XPR1: variants seen among roughly 807,000 people sequenced by gnomAD.
XPR1 encodes the protein solute carrier family 53 member 1.
Under a neutral mutation model 87.5 loss-of-function variants are expected in XPR1, and 28 were observed. The ratio of observed to expected loss-of-function variants is 0.32; its 90% CI spans 0.24 to 0.44. XPR1 has a LOEUF of 0.44. XPR1 is among the 20% of genes least tolerant of loss of function. XPR1 has a pLI of 1.00. For synonymous variants in XPR1, 300 were observed against 306.1 expected (o/e 0.98, Z 0.21); for missense variants, 559 against 862.3 (o/e 0.65, Z 4.41).
intron 2 of XPR1, among the ~76,000 whole-genome samples, chr1:180,766,215 T>C (rs1648280741): frequency 6.6e-6 from 1 of 152,186 alleles, no homozygotes; most frequent in Admixed American, 6.5e-5. Context: ...AATGAGGCAA[T>C]AATGTGCACA....
chr1:180,689,121 A>G (rs1479837007), intron 2 of XPR1, among the ~76,000 whole-genome samples: 2 of 152,170 alleles, frequency 1.3e-5, no homozygotes, highest in Admixed American at 6.5e-5. Context: ...AGAAATTGAC[A>G]TTTCTAATGG....
intron 3 of XPR1, among the ~76,000 whole-genome samples, chr1:180,788,678 G>C (rs547936130): frequency 2.2e-3 from 335 of 151,988 alleles, no homozygotes; most frequent in African/African-American, 7.9e-3. Context: ...AAAGTAGTCT[G>C]TAATTTTATT....
intron 2 of XPR1, among the ~76,000 whole-genome samples, chr1:180,696,175 T>C (rs1161539390): frequency 4.6e-4 from 42 of 91,730 alleles, no homozygotes; most frequent in Non-Finnish European, 6.3e-4. Context: ...GGTGTGTGTG[T>C]GTGTGTGTGT....
intron 2 of XPR1, among the ~76,000 whole-genome samples, chr1:180,696,380 T>C (rs1289819467): frequency 6.6e-6 from 1 of 151,718 alleles, no homozygotes; most frequent in Non-Finnish European, 1.5e-5. Flanking sequence ...AATTGTTAGG[T>C]TTTTCTATAT....
chr1:180,674,375 C>G (rs1245380830), intron 1 of XPR1, among the ~76,000 whole-genome samples: 1 of 152,208 alleles, frequency 6.6e-6, no homozygotes, highest in African/African-American at 2.4e-5. Flanking sequence ...TCTCCTGCCT[C>G]AGCCTCCTGA....
At chr1:180,659,561 A>C in intron 1 of XPR1, among the ~76,000 whole-genome samples, 4 of 117,804 alleles carry the variant, frequency 3.4e-5, no homozygotes, top group African/African-American at 1.1e-4. Context: ...CTCCACCACC[A>C]CCACCCACCA....
chr1:180,658,006 C>G (rs1438858697), intron 1 of XPR1, among the ~76,000 whole-genome samples: 1 of 152,060 alleles, frequency 6.6e-6, no homozygotes, highest in Non-Finnish European at 1.5e-5. Context: ...AGATCTATCA[C>G]TTCTTTGGTT....
At position 180,886,239 on chromosome 1, in the gene XPR1, A is replaced by G. The variant is rs1460172052; in HGVS notation, c.*2173A>G. ...TGTACTTTAAAACTATGGGGGAAAT[A>G]TCACTGGTCTGTCAAGAAACAGCAG... On this transcript the variant is annotated 3_prime_UTR_variant, in exon 15 of 15. Transcript: ENST00000367590. The G allele has an allele frequency of 6.6e-6, 1 of 152,236 alleles. No homozygotes were observed. Among genetic ancestry groups the G allele is most frequent in the African/African-American group, 2.4e-5 (1 of 41,462 alleles). 9.4% of individuals were successfully genotyped at this position (152,236 alleles called of 1,614,324 possible).
chr1:180,808,409 AT>A (rs1333533836), intron 6 of XPR1, among the ~76,000 whole-genome samples: 1 of 152,148 alleles, frequency 6.6e-6, no homozygotes, highest in African/African-American at 2.4e-5. Flanking sequence ...GAAAGTCCTA[AT>A]GACTTTGGGT....
chr1:180,881,721 A>G (rs1269504357), intron 14 of XPR1, among the ~76,000 whole-genome samples: 1 of 152,212 alleles, frequency 6.6e-6, no homozygotes, highest in Non-Finnish European at 1.5e-5. Flanking sequence ...CTCATTGGAT[A>G]TAGAGGAGTA....
chr1:180,874,318 A>G lies in XPR1; in HGVS notation c.1808+376A>G, dbSNP rs142350957. Reference sequence around the variant, plus strand: ...GTAAAATGGCTTAAAACAGAAATCAATCATTTTTTGCAATTTGGCAGTCTG... The same window carrying G: ...GTAAAATGGCTTAAAACAGAAATCAGTCATTTTTTGCAATTTGGCAGTCTG... On this transcript the variant is annotated intron_variant, in intron 13 of 14. Coordinates refer to ENST00000367590, the MANE Select transcript of XPR1 (RefSeq NM_004736.4). 8.2e-4 allele frequency among the ~76,000 whole-genome samples: 125 copies of G among 152,334 alleles called. 1 individual carries two copies. Among genetic ancestry groups the G allele is most frequent in the Admixed American group, 1.3e-3 (20 of 15,310 alleles).
intron 4 of XPR1, 85 bp from the exon 5 acceptor site, chr1:180,805,977 C>G: frequency 7.0e-7 from 1 of 1,420,194 alleles, no homozygotes; most frequent in Non-Finnish European, 9.5e-7. Flanking sequence ...GTCCAGCCAG[C>G]TCTGTCAGTG....
intron 2 of XPR1, among the ~76,000 whole-genome samples, chr1:180,769,906 G>C (rs1648445239): frequency 6.6e-6 from 1 of 152,086 alleles, no homozygotes; most frequent in Non-Finnish European, 1.5e-5. Context: ...AGTGTATGAG[G>C]GTTCCCTGTT....
chr1:180,637,338 G>A (rs1400874000), intron 1 of XPR1, among the ~76,000 whole-genome samples: 1 of 151,966 alleles, frequency 6.6e-6, no homozygotes, highest in African/African-American at 2.4e-5. Flanking sequence ...CAAATCAACC[G>A]CTAGGAAATA....
chr1:180,862,240 A>T (rs1652247104), intron 11 of XPR1, among the ~76,000 whole-genome samples: 2 of 152,086 alleles, frequency 1.3e-5, no homozygotes, highest in Non-Finnish European at 2.9e-5. Flanking sequence ...TCTAAAATAC[A>T]GATCTGATCC....
chr1:180,839,278 T>C (rs1362355609), intron 11 of XPR1, among the ~76,000 whole-genome samples: 2 of 152,184 alleles, frequency 1.3e-5, no homozygotes, highest in African/African-American at 4.8e-5. Context: ...TAATTGAACA[T>C]GAACTGAATG....
chr1:180,765,294 A>G (rs538558005), intron 2 of XPR1, among the ~76,000 whole-genome samples: 1 of 152,176 alleles, frequency 6.6e-6, no homozygotes, highest in Non-Finnish European at 1.5e-5. Context: ...GCCAAATTCC[A>G]AATTAACTTT....
At chr1:180,641,985 A>G (rs1274542279) in intron 1 of XPR1, among the ~76,000 whole-genome samples, 1 of 152,216 alleles carries the variant, frequency 6.6e-6, no homozygotes, top group Non-Finnish European at 1.5e-5. Context: ...CTGCATTAAT[A>G]CATTTATCTG....
chr1:180,859,932 C>G (rs1382223440), intron 11 of XPR1, among the ~76,000 whole-genome samples: 1 of 151,968 alleles, frequency 6.6e-6, no homozygotes, highest in African/African-American at 2.4e-5. Context: ...CACACATTAA[C>G]AGAAAATATT....
Sources: gnomAD v4.1 joint callset for allele counts (sites outside exome capture counted in the v4.1 genomes callset) on GRCh38, gnomAD v4.1.1 for gene constraint, MANE v1.5 for transcripts, NCBI Gene and HGNC (gene_info 2026-07-23, HGNC 2026-07-21) for gene names.